Variants in PLCE1 observed in about 807,000 individuals in gnomAD.
The protein encoded by PLCE1 is 1-phosphatidylinositol 4,5-bisphosphate phosphodiesterase epsilon-1.
Under a neutral mutation model 242.8 loss-of-function variants are expected in PLCE1, and 119 were observed. That is an observed-to-expected ratio of 0.49 (90% CI 0.42 to 0.57). The LOEUF (loss-of-function observed/expected upper bound fraction) is 0.57. Among genes scored for constraint, PLCE1 ranks in the 20% least tolerant of loss-of-function variants. The pLI is 0.00. For missense variants in PLCE1, 2,441 were observed against 2,788.8 expected, an observed-to-expected ratio of 0.88 and a Z score of 2.81; for synonymous variants, 945 against 1,017.4, an observed-to-expected ratio of 0.93 and a Z score of 1.35.
chr10:94,182,478 C>G (rs1280610889), intron 4 of PLCE1, among the ~76,000 whole-genome samples: 1 of 151,274 alleles, frequency 6.6e-6, no homozygotes, highest in Non-Finnish European at 1.5e-5. Flanking sequence ...CCATGTTGGC[C>G]AGGCTGGCCT....
At chr10:94,220,364 AAAC>A (rs1388518989) in intron 4 of PLCE1, among the ~76,000 whole-genome samples, 1 of 121,054 alleles carries the variant, frequency 8.3e-6, no homozygotes, top group African/African-American at 3.0e-5. Context: ...AAAAGCTTAA[AAAC>A]TAAACATTTT....
chr10:94,228,810 GA>G (rs562917580), intron 5 of PLCE1, among the ~76,000 whole-genome samples: 1 of 149,716 alleles, frequency 6.7e-6, no homozygotes, highest in Non-Finnish European at 1.5e-5. Flanking sequence ...AAAGTGGGGA[GA>G]AAAAAAAACA....
chr10:94,135,915 T>A (rs1348164289), intron 3 of PLCE1, among the ~76,000 whole-genome samples: 3 of 152,214 alleles, frequency 2.0e-5, no homozygotes, highest in African/African-American at 7.2e-5. Context: ...TGTACCTATA[T>A]GAAGGAGTCA....
At chr10:94,013,523 A>AAACAAATGAGGC (rs2061214712) in intron 1 of PLCE1, among the ~76,000 whole-genome samples, 1 of 152,334 alleles carries the variant, frequency 6.6e-6, no homozygotes, top group African/African-American at 2.4e-5. Context: ...ATACAAAAGG[A>AAACAAATGAGGC]AACAAATGAG....
Position 94,246,079 on chromosome 10 carries a change from T to C in PLCE1, c.2554T>C (p.Ser852Pro). ...GGAGCTCATCCCTTGGTACGTGCTGTCCATCCAAGCCGATGTGCACCAGTT... is the reference window on the plus strand; with the variant it reads ...GGAGCTCATCCCTTGGTACGTGCTGCCCATCCAAGCCGATGTGCACCAGTT... Reference protein sequence around the residue: ...GTELIPWYVLSIQADVHQFLL... With the variant: ...GTELIPWYVLPIQADVHQFLL... The change falls in exon 8 of 33, where the codon TCC becomes CCC. Residue 852 changes from serine (S) to proline (P), a missense_variant. Around this residue, in one of 5 missense-constraint regions of PLCE1, gnomAD observed 733 missense variants for 754.2 expected, o/e 0.97. Transcript: ENST00000371380. The C allele has an allele frequency of 6.2e-7, 1 of 1,614,114 alleles. No homozygotes were observed. The highest frequency in any genetic ancestry group is 8.5e-7 in the Non-Finnish European group (1 of 1,180,010).
At chr10:94,144,271 C>G (rs2047052220) in intron 3 of PLCE1, among the ~76,000 whole-genome samples, 1 of 152,162 alleles carries the variant, frequency 6.6e-6, no homozygotes, top group Non-Finnish European at 1.5e-5. Context: ...ATCTCCCACT[C>G]AGGGATCCCG....
chr10:94,235,234 C>T (rs954262676), intron 6 of PLCE1, among the ~76,000 whole-genome samples: 2 of 152,086 alleles, frequency 1.3e-5, no homozygotes, highest in Admixed American at 1.3e-4. Flanking sequence ...CAGGCAACAC[C>T]ACCGGCATCT....
At chr10:94,081,407 T>G (rs2044650691) in intron 2 of PLCE1, among the ~76,000 whole-genome samples, 1 of 152,234 alleles carries the variant, frequency 6.6e-6, no homozygotes, top group South Asian at 2.1e-4. Flanking sequence ...TAGGAAATCC[T>G]TATGCTGAGA....
rs200671940 is a variant in PLCE1, at chr10:94,095,320, ATTTCTTTC to A, written c.1207-36833_1207-36826del. Among the ~76,000 whole-genome samples, 42 of 117,552 alleles carry A rather than the reference ATTTCTTTC, an allele frequency of 3.6e-4. No individual in the cohort carries two copies. In the South Asian group the frequency reaches 3.8e-3, roughly 11 times the overall value. 77.1% of individuals were successfully genotyped at this position (117,552 alleles called of 152,430 possible). On this transcript the variant is annotated intron_variant, in intron 2 of 32. Coordinates refer to ENST00000371380, the MANE Select transcript of PLCE1 (RefSeq NM_016341.4). ...CCCCTTGTCCCTCAGGGGCCTTTCA[ATTTCTTTC>A]TTTCTTTCTTTCTTTCTTTCAATTG...
chr10:94,080,125 G>C (rs2044614879), intron 2 of PLCE1, among the ~76,000 whole-genome samples: 1 of 151,878 alleles, frequency 6.6e-6, no homozygotes, highest in African/African-American at 2.4e-5. Flanking sequence ...GTTCTCTCTG[G>C]TACTTTGGTC....
At chr10:94,211,806 A>C (rs182954257) in intron 4 of PLCE1, among the ~76,000 whole-genome samples, 1 of 152,290 alleles carries the variant, frequency 6.6e-6, no homozygotes, top group East Asian at 1.9e-4. Context: ...TTTCTAGAGA[A>C]GGAGGGGTGT....
chr10:94,188,184 C>A (rs1416107369), intron 4 of PLCE1, among the ~76,000 whole-genome samples: 1 of 152,164 alleles, frequency 6.6e-6, no homozygotes, highest in Non-Finnish European at 1.5e-5. Context: ...TGATAGTTCT[C>A]TATTTGGGTC....
chr10:94,069,898 C>A (rs1433939980), intron 2 of PLCE1, among the ~76,000 whole-genome samples: 1 of 152,150 alleles, frequency 6.6e-6, no homozygotes, highest in Non-Finnish European at 1.5e-5. Flanking sequence ...TATAGGACAG[C>A]TCTCTGGGGG....
intron 20 of PLCE1, among the ~76,000 whole-genome samples, chr10:94,282,027 G>T (rs1463539509): frequency 6.6e-6 from 1 of 150,700 alleles, no homozygotes; most frequent in Non-Finnish European, 1.5e-5. Flanking sequence ...GTCTTTTTGA[G>T]AATCAGATGA....
chr10:94,284,847 G>A lies in PLCE1; in HGVS notation c.4918-1G>A. 6.5e-7 allele frequency: 1 copy of A among 1,527,676 alleles called. No individual in the cohort carries two copies. The highest frequency in any genetic ancestry group is 1.4e-5 in the African/African-American group (1 of 73,378). The allele number at this position is 1,527,676 out of a possible 1,614,324, so 94.6% of individuals were successfully genotyped here. On this transcript the variant is annotated splice_acceptor_variant, in intron 21 of 32. Transcript: ENST00000371380. LOFTEE classifies it high-confidence loss of function. ...AAATGGTATCATTTTTCCCTTACCAGGTTTATGATATGGAACTGGGAGAAG... is the reference window on the plus strand; with the variant it reads ...AAATGGTATCATTTTTCCCTTACCAAGTTTATGATATGGAACTGGGAGAAG...
intron 2 of PLCE1, chr10:94,108,650 C>T (rs2045844536): frequency 6.6e-6 from 1 of 152,344 alleles, no homozygotes; most frequent in South Asian, 2.1e-4. Context: ...CCACCCCCTG[C>T]TTCCCCTGCT....
chr10:94,051,984 CT>C (rs2043778204), intron 2 of PLCE1, among the ~76,000 whole-genome samples: 1 of 152,246 alleles, frequency 6.6e-6, no homozygotes, highest in African/African-American at 2.4e-5. Context: ...TGGTTTCACA[CT>C]TTCCTGTGAA....
intron 9 of PLCE1, among the ~76,000 whole-genome samples, chr10:94,253,082 T>C (rs1418516000): frequency 6.6e-6 from 1 of 152,204 alleles, no homozygotes; most frequent in Non-Finnish European, 1.5e-5. Context: ...TTATAAACTA[T>C]ATAATATGAA....
At chr10:94,078,967 G>C (rs2135207840) in intron 2 of PLCE1, among the ~76,000 whole-genome samples, 1 of 152,272 alleles carries the variant, frequency 6.6e-6, no homozygotes, top group East Asian at 1.9e-4. Flanking sequence ...TAACATCTGG[G>C]AAGAGGCAGA....
Sources: gnomAD v4.1 joint callset for allele counts (sites outside exome capture counted in the v4.1 genomes callset) on GRCh38, gnomAD v4.1.1 for gene constraint, gnomAD v4.1.1 regional missense constraint, MANE v1.5 for transcripts, NCBI Gene and HGNC (gene_info 2026-07-23, HGNC 2026-07-21) for gene names.